Variants in PCGF2 observed in about 807,000 individuals in gnomAD.
PCGF2 encodes the protein polycomb group RING finger protein 2.
PCGF2 carries 8 observed loss-of-function variants against 36.1 expected under a neutral mutation model. The observed-to-expected ratio is 0.22, with a 90% CI of 0.13 to 0.40. PCGF2 has a LOEUF of 0.40. PCGF2 is among the 10% of genes least tolerant of loss of function. The probability of loss-of-function intolerance (pLI) is 1.00; values close to 1 mark genes in which losing one functional copy is unlikely to be tolerated. For synonymous variants in PCGF2, 198 were observed against 191.2 expected (o/e 1.04, Z -0.29); for missense variants, 436 against 475.9 (o/e 0.92, Z 0.78).
At position 38,740,339 on chromosome 17, in the gene PCGF2, C is replaced by A. The variant is rs752723799; in HGVS notation, c.64G>T (p.Gly22Trp). 1.2e-6 allele frequency: 2 copies of A among 1,610,646 alleles called. No individual in the cohort carries two copies. Among genetic ancestry groups the A allele is most frequent in the Non-Finnish European group, 1.7e-6 (2 of 1,178,812 alleles). ...LNPHLMCALCGGYFIDATTIV... is the reference protein window; with the variant it reads ...LNPHLMCALCWGYFIDATTIV... ...GTGGTGGCGTCGATGAAGTACCCCC[C>A]GCAGAGGGCACACATGAGGTGGGGG... Residue 22 changes from glycine to tryptophan, a missense_variant, in exon 3 of 11, where the codon GGG becomes TGG. Around this residue, in one of 3 missense-constraint regions of PCGF2, gnomAD observed 189 missense variants for 219.3 expected, o/e 0.86. Transcript: ENST00000620225.
intron 2 of PCGF2, among the ~76,000 whole-genome samples, chr17:38,747,342 T>G (rs1337757914): frequency 6.6e-6 from 1 of 152,064 alleles, no homozygotes; most frequent in African/African-American, 2.4e-5. Flanking sequence ...GGGGGGCCAG[T>G]TTAGCAGATC....
Position 38,738,805 on chromosome 17 carries a change from G to C in PCGF2, c.373C>G (p.Leu125Val). 6.2e-7 allele frequency: 1 copy of C among 1,614,130 alleles called. No individual in the cohort carries two copies. Among genetic ancestry groups the C allele is most frequent in the Non-Finnish European group, 8.5e-7 (1 of 1,179,986 alleles). The change falls in exon 7 of 11, where the codon CTG becomes GTG. Residue 125 changes from leucine to valine, a missense_variant. By Grantham distance (32) the Leu-to-Val change is conservative. Coordinates refer to ENST00000620225, the MANE Select transcript of PCGF2 (RefSeq NM_007144.3). ...AGGCTGACAATCTCATCATCACTCA[G>C]AGCCCCCTTCTCCTGCTCCAAGACC... ...GEVLEQEKGA[L>V]SDDEIVSLSI...
Position 38,738,571 on chromosome 17 carries a change from G to T in PCGF2, c.450C>A (p.Pro150=). 6.3e-7 allele frequency: 1 copy of T among 1,586,330 alleles called. No individual in the cohort carries two copies. Among genetic ancestry groups the T allele is most frequent in the East Asian group, 2.2e-5 (1 of 44,582 alleles). Residue 150 remains proline, a synonymous_variant, in exon 8 of 11, where the codon CCC becomes CCA. Coordinates refer to ENST00000620225, the MANE Select transcript of PCGF2 (RefSeq NM_007144.3). ...CTTTGTCCCCATCCCCATTCTCCAGGGGGCCCTTCTTCTCGTCCCGGTCCC... is the reference window on the plus strand; with the variant it reads ...CTTTGTCCCCATCCCCATTCTCCAGTGGGCCCTTCTTCTCGTCCCGGTCCC... ...GARDRDEKKG[P]LENGDGDKEK...
chr17:38,741,437 C>T (rs534705241), intron 2 of PCGF2, among the ~76,000 whole-genome samples: 16 of 152,266 alleles, frequency 1.1e-4, no homozygotes, highest in Non-Finnish European at 2.1e-4. Context: ...ACTCCCTCAA[C>T]CCCTCCACCC....
chr17:38,735,434 G>T lies in PCGF2; in HGVS notation c.824C>A (p.Ser275Tyr). The change falls in exon 11 of 11, where the codon TCC becomes TAC. Residue 275 changes from serine to tyrosine, a missense_variant. This residue lies in a region of PCGF2 where 227 missense variants were observed against 212.9 expected (regional missense o/e 1.07). Transcript: ENST00000620225. ...SPATLPATSS[S>Y]LPSPATPSHG... ...GGATGGGGTGGCTGGGCTGGGCAGGGAGGAGGAGGTGGCTGGCAGGGTGGC... is the reference window on the plus strand; with the variant it reads ...GGATGGGGTGGCTGGGCTGGGCAGGTAGGAGGAGGTGGCTGGCAGGGTGGC... 1 of 1,581,974 alleles carries T rather than the reference G, an allele frequency of 6.3e-7. No homozygotes were observed.
At position 38,739,056 on chromosome 17, in the gene PCGF2, G is replaced by A. The variant is rs749506365; in HGVS notation, c.316+12C>T. ...AGACTGTGCACACACAAACAGACGC[G>A]AGCACACTCACCCTCCGTCAGGGGG... On this transcript the variant is annotated intron_variant, in intron 6 of 10. Coordinates refer to ENST00000620225, the MANE Select transcript of PCGF2 (RefSeq NM_007144.3). The surrounding 1 kb of genome is among the most constrained non-coding windows in gnomAD (Gnocchi z 4.0). The A allele has an allele frequency of 6.2e-6, 10 of 1,612,326 alleles. No individual in the cohort carries two copies. The Admixed American group carries it at 6.7e-5, about 11-fold the overall frequency.
At chr17:38,745,563 G>T (rs1006317193) in intron 2 of PCGF2, among the ~76,000 whole-genome samples, 1 of 152,210 alleles carries the variant, frequency 6.6e-6, no homozygotes, top group Non-Finnish European at 1.5e-5. Flanking sequence ...TTTTACAGAT[G>T]AGCACACTCA....
At chr17:38,737,826 C>T (rs1252303241) in intron 9 of PCGF2, among the ~76,000 whole-genome samples, 1 of 150,126 alleles carries the variant, frequency 6.7e-6, no homozygotes, top group South Asian at 2.1e-4. Context: ...GCAGGAGAAT[C>T]GCTTGAATCC....
chr17:38,736,693 G>A (rs565761668), intron 9 of PCGF2, among the ~76,000 whole-genome samples: 2 of 152,260 alleles, frequency 1.3e-5, no homozygotes, highest in Non-Finnish European at 2.9e-5. Flanking sequence ...AATTAGCTGG[G>A]CGTGGTGGCG....
chr17:38,739,735 A>G lies in PCGF2; in HGVS notation c.113-53T>C. On this transcript the variant is annotated intron_variant, in intron 3 of 10. Transcript: ENST00000620225. This position sits in a 1 kb window ranked among gnomAD's most constrained non-coding sequence, Gnocchi z 4.0. ...GTCAGAGCCAACTTCCAACTCCAGGACCAGCCTCCCCGCCCTCTGCTCAGA... is the reference window on the plus strand; with the variant it reads ...GTCAGAGCCAACTTCCAACTCCAGGGCCAGCCTCCCCGCCCTCTGCTCAGA... 7.6e-7 allele frequency: 1 copy of G among 1,321,572 alleles called. No individual in the cohort carries two copies. The highest frequency in any genetic ancestry group is 2.3e-5 in the East Asian group (1 of 43,510). 81.9% of individuals were successfully genotyped at this position (1,321,572 alleles called of 1,614,324 possible). A position where few individuals can be genotyped will look rare whatever the true frequency, so the allele number is the denominator to read the frequency against.
intron 10 of PCGF2, 118 bp downstream of exon 10, chr17:38,735,972 C>A: frequency 1.3e-6 from 1 of 747,022 alleles, no homozygotes; most frequent in South Asian, 1.6e-5. Context: ...CCTGGACATG[C>A]AGCTCATGGG....
At chr17:38,737,253 A>T (rs1277104512) in intron 9 of PCGF2, among the ~76,000 whole-genome samples, 2 of 152,178 alleles carry the variant, frequency 1.3e-5, no homozygotes, top group African/African-American at 4.8e-5. Flanking sequence ...ACTTGAGGCC[A>T]GGAGTTGGAG....
At chr17:38,746,073 C>T (rs1907517870) in intron 2 of PCGF2, among the ~76,000 whole-genome samples, 1 of 152,094 alleles carries the variant, frequency 6.6e-6, no homozygotes, top group South Asian at 2.1e-4. Context: ...TTTCCCCAAT[C>T]CTTGACAATG....
chr17:38,738,298 C>T, intron 9 of PCGF2, 55 bp downstream of exon 9: 2 of 1,414,102 alleles, frequency 1.4e-6, no homozygotes, highest in Non-Finnish European at 2.0e-6. Flanking sequence ...GCTGCACAGA[C>T]TGTCTGACAC....
chr17:38,735,408 G>T lies in PCGF2; in HGVS notation c.850C>A (p.His284Asn). ...SSLPSPATPS[H>N]GSPSSHGPPA... Reference sequence around the variant, plus strand: ...GGCCCATGGGAACTGGGAGAGCCATGGGATGGGGTGGCTGGGCTGGGCAGG... The same window carrying T: ...GGCCCATGGGAACTGGGAGAGCCATTGGATGGGGTGGCTGGGCTGGGCAGG... The change falls in exon 11 of 11, where the codon CAT becomes AAT. Residue 284 changes from histidine (H) to asparagine (N), a missense_variant. Physicochemically the swap from His to Asn is moderately conservative, Grantham distance 68. Coordinates refer to ENST00000620225, the MANE Select transcript of PCGF2 (RefSeq NM_007144.3). The T allele has an allele frequency of 6.4e-7, 1 of 1,573,546 alleles. No homozygotes were observed. The highest frequency in any genetic ancestry group is 2.3e-5 in the East Asian group (1 of 42,736).
In PCGF2 at chr17:38,735,242, G is replaced by A. The variant is rs760680898; in HGVS notation, c.1016C>T (p.Pro339Leu). 4.4e-5 allele frequency: 64 copies of A among 1,445,602 alleles called. No individual in the cohort carries two copies. Among genetic ancestry groups the A allele is most frequent in the Non-Finnish European group, 5.9e-5 (64 of 1,088,686 alleles). 89.5% of individuals were successfully genotyped at this position (1,445,602 alleles called of 1,614,324 possible). A position where few individuals can be genotyped will look rare whatever the true frequency, so the allele number is the denominator to read the frequency against. ...CTGGCCTCAAGTTAAGGGGGGCACG[G>A]GAGCGCCGTTGACAGTCATCTTGCG... ...RGRKMTVNGA[P>L]VPPLT Residue 339 changes from proline (P) to leucine (L), a missense_variant, in exon 11 of 11, where the codon CCC (proline) becomes CTC (leucine). Pro to Leu is a moderately conservative substitution (Grantham distance 98, BLOSUM62 -3). Around this residue, in one of 3 missense-constraint regions of PCGF2, gnomAD observed 227 missense variants for 212.9 expected, o/e 1.07. Coordinates refer to ENST00000620225, the MANE Select transcript of PCGF2 (RefSeq NM_007144.3).
chr17:38,741,816 G>T lies in PCGF2; in HGVS notation c.-40-1374C>A, dbSNP rs139263824. 1.1e-3 allele frequency among the ~76,000 whole-genome samples: 160 copies of T among 152,266 alleles called. 1 individual carries two copies. Among genetic ancestry groups the T allele is most frequent in the Middle Eastern group, 3.4e-3 (1 of 294 alleles). ...GTTTAGGCAAAAAGGCTATACCCCT[G>T]CCACAGGAATCCCTGCCAGTGTCCC... On this transcript the variant is annotated intron_variant, in intron 2 of 10. Transcript: ENST00000620225.
chr17:38,736,630 C>T (rs564090227), intron 9 of PCGF2, among the ~76,000 whole-genome samples: 6 of 151,562 alleles, frequency 4.0e-5, no homozygotes, highest in Admixed American at 1.3e-4. Flanking sequence ...GTCAGGAGAT[C>T]GAGACCATCC....
chr17:38,740,078 A>G (rs1288707885), intron 3 of PCGF2, among the ~76,000 whole-genome samples: 2 of 152,210 alleles, frequency 1.3e-5, no homozygotes, highest in Non-Finnish European at 2.9e-5. Context: ...GAGATTTCAG[A>G]TGTGAGTCCT....
Sources: gnomAD v4.1 joint callset for allele counts (sites outside exome capture counted in the v4.1 genomes callset) on GRCh38, gnomAD v4.1.1 for gene constraint, gnomAD v4.1.1 regional missense constraint, Gnocchi (gnomAD v3.1) non-coding constraint, MANE v1.5 for transcripts, NCBI Gene and HGNC (gene_info 2026-07-23, HGNC 2026-07-21) for gene names.